The following KDM4D variants were observed in gnomAD, a reference collection of about 807,000 sequenced individuals.
KDM4D encodes the protein lysine demethylase 4D, also known as lysine-specific demethylase 4D.
For synonymous variants in KDM4D, 254 were observed against 249.1 expected, an observed-to-expected ratio of 1.02 and a Z score of -0.19; for missense variants, 427 against 674.8, an observed-to-expected ratio of 0.63 and a Z score of 4.07.
At chr11:94,976,804 G>A (rs1857800900) in intron 2 of KDM4D, among the ~76,000 whole-genome samples, 1 of 152,024 alleles carries the variant, frequency 6.6e-6, no homozygotes, top group African/African-American at 2.4e-5. Flanking sequence ...ACCTAAAAGG[G>A]AAAATAGAAA....
intron 2 of KDM4D, among the ~76,000 whole-genome samples, chr11:94,989,134 T>A (rs2134113278): frequency 6.6e-6 from 1 of 152,302 alleles, no homozygotes; most frequent in South Asian, 2.1e-4. Context: ...AGACAGTTAT[T>A]AACTGCAGAA....
intron 2 of KDM4D, among the ~76,000 whole-genome samples, chr11:94,976,876 C>T (rs1362411500): frequency 2.6e-5 from 4 of 152,002 alleles, no homozygotes; most frequent in African/African-American, 9.7e-5. Context: ...TTGGAAAGAC[C>T]TTTCAATCAA....
chr11:94,978,578 G>C (rs144290142), intron 2 of KDM4D, among the ~76,000 whole-genome samples: 454 of 152,186 alleles, frequency 3.0e-3, no homozygotes, highest in Non-Finnish European at 4.8e-3. Flanking sequence ...GTCCAGGCTG[G>C]GTTACTGGAT....
intron 2 of KDM4D, among the ~76,000 whole-genome samples, chr11:94,978,350 C>G (rs111491525): frequency 0.011 from 1,688 of 152,090 alleles, 41 homozygotes; most frequent in African/African-American, 0.038. Context: ...AATAAAGTAA[C>G]ATAAATAATG....
In KDM4D at chr11:94,984,693, T is replaced by TAAAA. The variant is rs35239329; in HGVS notation, c.-350+8966_-350+8969dup. On this transcript the variant is annotated intron_variant, in intron 2 of 2. Coordinates refer to ENST00000335080, the MANE Select transcript of KDM4D (RefSeq NM_018039.3). ...CAACATGGTGAAACCCCATCTCTACTAAAAAAAAAAAAAAAAAAAAAAAAT... is the reference window on the plus strand; with the variant it reads ...CAACATGGTGAAACCCCATCTCTACTAAAAAAAAAAAAAAAAAAAAAAAAAAAAT... 3.4e-5 allele frequency among the ~76,000 whole-genome samples: 3 copies of TAAAA among 87,762 alleles called. No homozygotes were observed. The East Asian group carries it at 1.0e-3, about 29-fold the overall frequency. 57.6% of individuals were successfully genotyped at this position (87,762 alleles called of 152,430 possible).
chr11:94,987,192 G>T (rs1403759542), intron 2 of KDM4D, among the ~76,000 whole-genome samples: 4 of 152,182 alleles, frequency 2.6e-5, no homozygotes, highest in African/African-American at 9.7e-5. Flanking sequence ...AACAAGGTTT[G>T]ATTTTGAAGT....
rs202213966 is a variant in KDM4D, at chr11:94,997,680, A to G, written c.308A>G (p.His103Arg). 6.2e-7 allele frequency: 1 copy of G among 1,614,230 alleles called. No individual in the cohort carries two copies. The highest frequency in any genetic ancestry group is 1.3e-5 in the African/African-American group (1 of 75,062). ...KKAMTVGEYRHLANSKKYQTP... is the reference protein window; with the variant it reads ...KKAMTVGEYRRLANSKKYQTP... ...GCCATGACTGTGGGGGAGTATCGCC[A>G]TTTGGCAAACAGTAAAAAATATCAG... The change falls in exon 3 of 3, where the codon CAT becomes CGT. Residue 103 changes from histidine (H) to arginine (R), a missense_variant. By Grantham distance (29) the His-to-Arg change is conservative. Transcript: ENST00000335080.
At chr11:94,987,981 A>G (rs1857902666) in intron 2 of KDM4D, among the ~76,000 whole-genome samples, 1 of 152,200 alleles carries the variant, frequency 6.6e-6, no homozygotes, top group South Asian at 2.1e-4. Context: ...TTTCCAGAGA[A>G]GGAGAAAACT....
Position 94,998,985 on chromosome 11 carries a change from A to G in KDM4D, c.*41A>G, listed in dbSNP as rs782338480. The G allele has an allele frequency of 3.4e-6, 5 of 1,466,792 alleles. No individual in the cohort carries two copies. The highest frequency in any genetic ancestry group is 2.3e-5 in the East Asian group (1 of 43,096). The allele number at this position is 1,466,792 out of a possible 1,614,324, so 90.9% of individuals were successfully genotyped here. A position where few individuals can be genotyped will look rare whatever the true frequency, so the allele number is the denominator to read the frequency against. The stretch of plus-strand genomic sequence containing the variant: ...TTATATCCCACTGCCCTGCTGTGTG[A>G]CAGTTTGATGAAACTGGTTACATTT... On this transcript the variant is annotated 3_prime_UTR_variant, in exon 3 of 3. Coordinates refer to ENST00000335080, the MANE Select transcript of KDM4D (RefSeq NM_018039.3). This position sits in a 1 kb window ranked among gnomAD's most constrained non-coding sequence, Gnocchi z 6.7.
intron 2 of KDM4D, among the ~76,000 whole-genome samples, chr11:94,991,371 GAA>G (rs1166395426): frequency 6.6e-6 from 1 of 152,088 alleles, no homozygotes; most frequent in Non-Finnish European, 1.5e-5. Context: ...AAAAAAGAAA[GAA>G]AGATAAAAAG....
intron 2 of KDM4D, among the ~76,000 whole-genome samples, chr11:94,983,724 T>TAAC (rs201707140): frequency 9.2e-5 from 14 of 151,852 alleles, no homozygotes; most frequent in East Asian, 5.8e-4. Flanking sequence ...CACACAATAA[T>TAAC]AACAACAACA....
intron 2 of KDM4D, among the ~76,000 whole-genome samples, chr11:94,991,922 C>T (rs587764507): frequency 6.6e-6 from 1 of 151,564 alleles, no homozygotes; most frequent in Non-Finnish European, 1.5e-5. Flanking sequence ...CTAAAATAAA[C>T]AACACACATA....
At position 94,998,373 on chromosome 11, in the gene KDM4D, A is replaced by G; in HGVS notation, c.1001A>G (p.Asp334Gly). ...FVRILQPERYDLWKRGQDRAV... is the reference protein window; with the variant it reads ...FVRILQPERYGLWKRGQDRAV... ...CGCATCCTGCAACCTGAACGCTATG[A>G]CCTGTGGAAACGTGGGCAAGACCGG... The change falls in exon 3 of 3, where the codon GAC becomes GGC. Residue 334 changes from aspartate (D) to glycine (G), a missense_variant. Coordinates refer to ENST00000335080, the MANE Select transcript of KDM4D (RefSeq NM_018039.3). The surrounding 1 kb of genome is among the most constrained non-coding windows in gnomAD (Gnocchi z 6.7). 6.2e-7 allele frequency: 1 copy of G among 1,614,142 alleles called. No homozygotes were observed. Among genetic ancestry groups the G allele is most frequent in the African/African-American group, 1.3e-5 (1 of 75,044 alleles).
In KDM4D at chr11:94,997,195, C is replaced by A. The variant is rs1232836976; in HGVS notation, c.-178C>A. 4.1e-6 allele frequency: 2 copies of A among 492,464 alleles called. No individual in the cohort carries two copies. The highest frequency in any genetic ancestry group is 3.8e-5 in the Admixed American group (1 of 26,482). The allele number at this position is 492,464 out of a possible 1,614,324, so 30.5% of individuals were successfully genotyped here. ...AAAGCTGCTGCCCAGAGTGGAATCT[C>A]ACTAGTGAATAAACAAGCCCAAGAA... On this transcript the variant is annotated 5_prime_UTR_variant, in exon 3 of 3. Transcript: ENST00000335080.
At chr11:94,990,665 T>C (rs1422922098) in intron 2 of KDM4D, among the ~76,000 whole-genome samples, 2 of 152,130 alleles carry the variant, frequency 1.3e-5, no homozygotes, top group African/African-American at 4.8e-5. Context: ...GTTTTGGAAA[T>C]TGGAAAGCAG....
chr11:94,991,008 G>GT (rs1191639342), intron 2 of KDM4D, among the ~76,000 whole-genome samples: 1 of 152,224 alleles, frequency 6.6e-6, no homozygotes, highest in Non-Finnish European at 1.5e-5. Context: ...TTTTGAGAGT[G>GT]TGGTTGTCAT....
chr11:94,987,891 C>T (rs1857901601), intron 2 of KDM4D, among the ~76,000 whole-genome samples: 1 of 151,856 alleles, frequency 6.6e-6, no homozygotes, highest in Non-Finnish European at 1.5e-5. Context: ...AAAGAAAAAG[C>T]ATTAGGAAAT....
chr11:94,994,904 T>G (rs1177951926), intron 2 of KDM4D, among the ~76,000 whole-genome samples: 1 of 152,104 alleles, frequency 6.6e-6, no homozygotes, highest in African/African-American at 2.4e-5. Context: ...ACTGATTATT[T>G]AATTCAACAT....
intron 2 of KDM4D, among the ~76,000 whole-genome samples, chr11:94,977,328 G>A (rs1480786709): frequency 2.0e-5 from 3 of 151,564 alleles, no homozygotes; most frequent in Non-Finnish European, 4.4e-5. Context: ...TACCCTCACA[G>A]TAAAAGCCAA....
Sources: allele counts gnomAD v4.1 joint callset (sites outside exome capture counted in the v4.1 genomes callset), GRCh38; gene constraint gnomAD v4.1.1; non-coding constraint Gnocchi (gnomAD v3.1); transcripts MANE v1.5; gene names NCBI Gene and HGNC (gene_info 2026-07-23, HGNC 2026-07-21).